Variants in EFHC2 observed in about 807,000 individuals in gnomAD.
EFHC2 encodes the protein EF-hand domain containing 2, also known as EF-hand domain-containing family member C2.
EFHC2 carries 18 observed loss-of-function variants against 52.7 expected under a neutral mutation model. That is an observed-to-expected ratio of 0.34 (90% CI 0.24 to 0.51). The LOEUF (loss-of-function observed/expected upper bound fraction) is 0.51, where lower values mean the gene tolerates loss of function less well. Ranked by LOEUF, EFHC2 falls within the 20% of genes least tolerant of loss-of-function variation. The probability of loss-of-function intolerance (pLI) is 0.97; values close to 1 mark genes in which losing one functional copy is unlikely to be tolerated. For missense variants in EFHC2, 513 were observed against 562.5 expected, an observed-to-expected ratio of 0.91 and a Z score of 0.89; for synonymous variants, 203 against 204.1, an observed-to-expected ratio of 0.99 and a Z score of 0.04.
At chrX:44,297,748 C>CGAT (rs1227847572) in intron 2 of EFHC2, among the ~76,000 whole-genome samples, 3 of 100,263 alleles carry the variant, frequency 3.0e-5, no homozygotes, top group Non-Finnish European at 6.0e-5. Flanking sequence ...AAAAAAAAAC[C>CGAT]GATGATGATG....
At chrX:44,243,565 C>T (rs5952566) in intron 7 of EFHC2, among the ~76,000 whole-genome samples, 24,032 of 111,297 alleles carry the variant, frequency 0.22, 3,249 homozygotes, top group African/African-American at 0.49. Flanking sequence ...CTTGAGGCCA[C>T]TTCTAACTCT....
At chrX:44,184,047 T>C (rs566836021) in intron 11 of EFHC2, among the ~76,000 whole-genome samples, 164 of 112,294 alleles carry the variant, frequency 1.5e-3, no homozygotes, top group African/African-American at 4.3e-3. Context: ...TATTTTCCTA[T>C]AGAAGCCAGG....
At chrX:44,151,113 C>A (rs1290827193) in intron 14 of EFHC2, among the ~76,000 whole-genome samples, 1 of 110,707 alleles carries the variant, frequency 9.0e-6, no homozygotes, top group East Asian at 2.9e-4. Context: ...GGGAAGGATT[C>A]CCACACAGGT....
At position 44,191,732 on chromosome X, in the gene EFHC2, C is replaced by T. The variant is rs772863658; in HGVS notation, c.1752-13168G>A. Among the ~76,000 whole-genome samples, 4 of 111,910 alleles carry T rather than the reference C, an allele frequency of 3.6e-5. No individual in the cohort carries two copies. The South Asian group carries it at 1.5e-3, about 42-fold the overall frequency. On this transcript the variant is annotated intron_variant, in intron 11 of 14. Coordinates refer to ENST00000420999, the MANE Select transcript of EFHC2 (RefSeq NM_025184.4). ...TATGTCATTCACCTAAAGTCAGTTT[C>T]TGAGAACCTATTGACAGCATTAAGG...
chrX:44,234,227 T>C (rs2037300628), intron 9 of EFHC2, among the ~76,000 whole-genome samples: 1 of 112,052 alleles, frequency 8.9e-6, no homozygotes, highest in African/African-American at 3.2e-5. Context: ...TCATGGCCAC[T>C]AGGATTACTA....
At chrX:44,284,164 C>T (rs997480968) in intron 2 of EFHC2, 1 of 112,006 alleles carries the variant, frequency 8.9e-6, no homozygotes, top group African/African-American at 3.3e-5. Flanking sequence ...TCCTCCTTCT[C>T]CTCCCATTCC....
At chrX:44,249,329 C>A (rs952737303) in intron 5 of EFHC2, among the ~76,000 whole-genome samples, 1 of 111,414 alleles carries the variant, frequency 9.0e-6, no homozygotes, top group East Asian at 2.8e-4. Context: ...TTCATGTGCA[C>A]TAAGAAGACA....
chrX:44,268,364 T>C (rs2037592901), intron 3 of EFHC2, among the ~76,000 whole-genome samples: 1 of 111,732 alleles, frequency 8.9e-6, no homozygotes, highest in Non-Finnish European at 1.9e-5. Flanking sequence ...CTTTCCAAGA[T>C]TCTAAAAGAA....
At chrX:44,176,985 C>T (rs1269018443) in intron 12 of EFHC2, among the ~76,000 whole-genome samples, 6 of 112,434 alleles carry the variant, frequency 5.3e-5, no homozygotes, top group African/African-American at 9.7e-5. Context: ...TTCCAGGCAT[C>T]GGGCAAAATT....
In EFHC2 at chrX:44,163,922, CTCTT is replaced by C; in HGVS notation, c.2144_2147del (p.Lys715ArgfsTer25). 11 of 1,151,696 alleles carry C rather than the reference CTCTT, an allele frequency of 9.6e-6. No individual in the cohort carries two copies. The highest frequency in any genetic ancestry group is 1.3e-5 in the Non-Finnish European group (11 of 859,001). 94.9% of individuals were successfully genotyped at this position (1,151,696 alleles called of 1,213,427 possible). A position where few individuals can be genotyped will look rare whatever the true frequency, so the allele number is the denominator to read the frequency against. ...TTTTTAAAATAGGTATTCATTTTAC[CTCTT>C]TAAGGTATGATGCTGGTTGCAATTC... is the stretch of plus-strand genomic sequence containing the variant. On this transcript the variant is annotated frameshift_variant and splice_region_variant, in exon 14 of 15. Transcript: ENST00000420999. LOFTEE classifies it high-confidence loss of function.
intron 11 of EFHC2, among the ~76,000 whole-genome samples, chrX:44,179,846 TGA>T (rs2036820098): frequency 8.9e-6 from 1 of 112,278 alleles, no homozygotes; most frequent in Admixed American, 9.5e-5. Context: ...AGCATATAGA[TGA>T]TCTTTCAAAG....
chrX:44,303,771 G>C (rs778867320), intron 2 of EFHC2, among the ~76,000 whole-genome samples: 2 of 111,303 alleles, frequency 1.8e-5, no homozygotes, highest in Admixed American at 9.6e-5. Context: ...TTACAAGCTC[G>C]ATGTCAATTA....
intron 11 of EFHC2, among the ~76,000 whole-genome samples, chrX:44,188,767 G>A (rs970988596): frequency 5.4e-5 from 6 of 111,120 alleles, no homozygotes; most frequent in Non-Finnish European, 9.4e-5. Context: ...TGGGAGCTGA[G>A]TAAGGGAAGG....
chrX:44,210,853 T>C (rs1469600334), intron 11 of EFHC2, among the ~76,000 whole-genome samples: 3 of 112,232 alleles, frequency 2.7e-5, no homozygotes, highest in African/African-American at 9.7e-5. Context: ...TTAAAACTTT[T>C]GCTCTTTGAA....
chrX:44,305,902 G>A (rs2037902430), intron 2 of EFHC2, among the ~76,000 whole-genome samples: 1 of 111,809 alleles, frequency 8.9e-6, no homozygotes, highest in Admixed American at 9.5e-5. Context: ...ATCGTGAGTT[G>A]TTTTTCAGTT....
At chrX:44,283,548 T>C (rs1375338294) in intron 2 of EFHC2, among the ~76,000 whole-genome samples, 2 of 103,825 alleles carry the variant, frequency 1.9e-5, no homozygotes, top group East Asian at 5.9e-4. Flanking sequence ...TTTTTTTTTT[T>C]TACATCCGGG....
intron 14 of EFHC2, among the ~76,000 whole-genome samples, chrX:44,157,984 G>A (rs2036621490): frequency 9.0e-6 from 1 of 111,075 alleles, no homozygotes; most frequent in Non-Finnish European, 1.9e-5. Context: ...TCACTGTTTT[G>A]GAGGGATGCC....
intron 1 of EFHC2, among the ~76,000 whole-genome samples, chrX:44,326,717 A>ATTT (rs773265380): frequency 1.3e-4 from 6 of 45,053 alleles, no homozygotes; most frequent in Non-Finnish European, 2.3e-4. Flanking sequence ...ATGGAGTCTG[A>ATTT]TTTTTTTTTT....
chrX:44,186,935 T>C (rs898558273), intron 11 of EFHC2, among the ~76,000 whole-genome samples: 3 of 107,602 alleles, frequency 2.8e-5, no homozygotes, highest in Non-Finnish European at 5.7e-5. Context: ...CTGGGAAACC[T>C]AATGAGACTC....
Sources: gnomAD v4.1 joint callset for allele counts (sites outside exome capture counted in the v4.1 genomes callset) on GRCh38, gnomAD v4.1.1 for gene constraint, MANE v1.5 for transcripts, NCBI Gene and HGNC (gene_info 2026-07-23, HGNC 2026-07-21) for gene names.